CAMK2D: variants seen among roughly 807,000 people sequenced by gnomAD.
CAMK2D encodes the protein calcium/calmodulin-dependent protein kinase type II subunit delta.
CAMK2D carries 37 observed loss-of-function variants against 84.0 expected under a neutral mutation model. That is an observed-to-expected ratio of 0.44 (90% CI 0.34 to 0.58). The LOEUF is 0.58. CAMK2D is among the 20% of genes least tolerant of loss of function. The probability of loss-of-function intolerance (pLI) is 0.02; values close to 1 mark genes in which losing one functional copy is unlikely to be tolerated. For synonymous variants in CAMK2D, 202 were observed against 212.5 expected, an observed-to-expected ratio of 0.95 and a Z score of 0.43; for missense variants, 448 against 652.5, an observed-to-expected ratio of 0.69 and a Z score of 3.41.
intron 8 of CAMK2D, among the ~76,000 whole-genome samples, chr4:113,524,101 G>A (rs1437296338): frequency 6.6e-6 from 1 of 152,020 alleles, no homozygotes; most frequent in African/African-American, 2.4e-5. Context: ...CAAACTTCTG[G>A]GCTCAAGTGA....
rs568765453 is a variant in CAMK2D, at chr4:113,701,233, T to C, written c.161-39461A>G. 4.6e-5 allele frequency among the ~76,000 whole-genome samples: 7 copies of C among 152,314 alleles called. No individual in the cohort carries two copies. In the South Asian group the frequency reaches 1.5e-3, roughly 32 times the overall value. ...AGCTTATCATTTCAAACGTAGACAC[T>C]GTGGGCTATTCAGGTCATTAATCTC... On this transcript the variant is annotated intron_variant, in intron 2 of 20. Transcript: ENST00000511664.
intron 17 of CAMK2D, among the ~76,000 whole-genome samples, chr4:113,462,975 G>A (rs1209693557): frequency 6.6e-6 from 1 of 152,140 alleles, no homozygotes; most frequent in Non-Finnish European, 1.5e-5. Flanking sequence ...ATAAACAATT[G>A]TTTAATAGGG....
intron 2 of CAMK2D, among the ~76,000 whole-genome samples, chr4:113,735,288 GGAAAAAAAAA>G (rs1392229762): frequency 4.6e-4 from 27 of 58,958 alleles, no homozygotes; most frequent in African/African-American, 1.6e-3. Context: ...CATCTCTACA[GGAAAAAAAAA>G]AAAAAAAAAA....
At chr4:113,594,065 G>A (rs2098910015) in intron 4 of CAMK2D, among the ~76,000 whole-genome samples, 1 of 152,164 alleles carries the variant, frequency 6.6e-6, no homozygotes. Context: ...AGACCTCAGG[G>A]AGCTTTTACT....
At chr4:113,727,810 A>T (rs2148720846) in intron 2 of CAMK2D, among the ~76,000 whole-genome samples, 1 of 152,294 alleles carries the variant, frequency 6.6e-6, no homozygotes, top group Admixed American at 6.5e-5. Flanking sequence ...AATTCTTAGA[A>T]ATCAGCAATA....
chr4:113,611,861 T>C (rs1160834382), intron 3 of CAMK2D, among the ~76,000 whole-genome samples: 1 of 152,134 alleles, frequency 6.6e-6, no homozygotes, highest in Non-Finnish European at 1.5e-5. Flanking sequence ...AATTCCAAAA[T>C]AATCTCTAAT....
chr4:113,709,602 C>T (rs1210174917), intron 2 of CAMK2D, among the ~76,000 whole-genome samples: 1 of 133,644 alleles, frequency 7.5e-6, no homozygotes, highest in East Asian at 1.9e-4. Flanking sequence ...TTACAATCTT[C>T]CAAATTCCTA....
chr4:113,686,955 C>T (rs1441111588), intron 2 of CAMK2D, among the ~76,000 whole-genome samples: 1 of 151,042 alleles, frequency 6.6e-6, no homozygotes, highest in Non-Finnish European at 1.5e-5. Flanking sequence ...GTAGAAGGGA[C>T]CAAAAAATGT....
intron 2 of CAMK2D, among the ~76,000 whole-genome samples, chr4:113,705,918 TCCAAAAACC>T (rs2099451405): frequency 1.3e-5 from 2 of 152,010 alleles, no homozygotes; most frequent in Admixed American, 1.3e-4. Context: ...GGGGAAGAGC[TCCAAAAACC>T]TGTAACACCA....
At chr4:113,489,477 T>G (rs2097800546) in intron 16 of CAMK2D, among the ~76,000 whole-genome samples, 1 of 152,116 alleles carries the variant, frequency 6.6e-6, no homozygotes, top group Non-Finnish European at 1.5e-5. Flanking sequence ...AACTCATCAT[T>G]TTTTTATGGC....
At chr4:113,589,351 T>A (rs7675804) in intron 4 of CAMK2D, among the ~76,000 whole-genome samples, 7 of 151,872 alleles carry the variant, frequency 4.6e-5, no homozygotes, top group African/African-American at 1.7e-4. Flanking sequence ...ATTCAAGATA[T>A]ATTCAAGTTC....
chr4:113,646,294 G>A (rs1404017994), intron 3 of CAMK2D, among the ~76,000 whole-genome samples: 1 of 152,170 alleles, frequency 6.6e-6, no homozygotes, highest in Non-Finnish European at 1.5e-5. Flanking sequence ...TATTTATTGA[G>A]CGCAGACTCT....
intron 2 of CAMK2D, among the ~76,000 whole-genome samples, chr4:113,723,215 C>A (rs549486279): frequency 2.6e-5 from 4 of 151,552 alleles, no homozygotes; most frequent in African/African-American, 9.7e-5. Flanking sequence ...AATTTCTTTA[C>A]CAAAAATAAC....
chr4:113,537,196 C>A, intron 7 of CAMK2D, 145 bp downstream of exon 7: 1 of 524,104 alleles, frequency 1.9e-6, no homozygotes, highest in South Asian at 3.3e-5. Context: ...AAATTAAATG[C>A]TTATAAAGGC....
intron 6 of CAMK2D, among the ~76,000 whole-genome samples, chr4:113,544,298 T>A (rs1314153459): frequency 6.6e-6 from 1 of 152,216 alleles, no homozygotes; most frequent in Non-Finnish European, 1.5e-5. Flanking sequence ...CAGGACTATT[T>A]TAACCTTTTG....
chr4:113,465,982 T>C (rs35430511), intron 16 of CAMK2D, among the ~76,000 whole-genome samples: 29,563 of 151,984 alleles, frequency 0.19, 3,250 homozygotes, highest in Non-Finnish European at 0.26. Context: ...CTGGGCAAAG[T>C]GGCTCATGCC....
At chr4:113,547,620 A>G (rs1238614129) in intron 6 of CAMK2D, 24 bp downstream of exon 6, 10 of 1,475,868 alleles carry the variant, frequency 6.8e-6, no homozygotes, top group East Asian at 2.4e-5. Context: ...GTGGTGGTTT[A>G]TCTTCTTCAA....
chr4:113,648,589 G>A (rs550702057), intron 3 of CAMK2D, among the ~76,000 whole-genome samples: 6 of 152,366 alleles, frequency 3.9e-5, no homozygotes, highest in Admixed American at 3.9e-4. Context: ...CTTTACTTTA[G>A]TGGACAGAAT....
chr4:113,651,772 AAG>A (rs1372091162), intron 3 of CAMK2D, among the ~76,000 whole-genome samples: 1 of 152,148 alleles, frequency 6.6e-6, no homozygotes, highest in Admixed American at 6.5e-5. Flanking sequence ...CATGATCAGT[AAG>A]AGAGAAAAGT....
Sources: gnomAD v4.1 joint callset for allele counts (sites outside exome capture counted in the v4.1 genomes callset) on GRCh38, gnomAD v4.1.1 for gene constraint, MANE v1.5 for transcripts, NCBI Gene and HGNC (gene_info 2026-07-23, HGNC 2026-07-21) for gene names.